SMARCA4: variants seen among roughly 807,000 people sequenced by gnomAD.
SMARCA4 encodes SWI/SNF-related matrix-associated actin-dependent regulator of chromatin subfamily A member 4.
Under a neutral mutation model 193.9 loss-of-function variants are expected in SMARCA4, and 31 were observed. That is an observed-to-expected ratio of 0.16 (90% CI 0.12 to 0.22). The LOEUF is 0.22. Ranked by LOEUF, SMARCA4 falls within the 10% of genes least tolerant of loss-of-function variation. SMARCA4 has a pLI of 1.00. For missense variants in SMARCA4, 1,148 were observed against 2,296.0 expected (o/e 0.50, Z 10.22); for synonymous variants, 942 against 933.1 (o/e 1.01, Z -0.17).
At chr19:11,053,660 A>C (rs1173039011) in intron 30 of SMARCA4, among the ~76,000 whole-genome samples, 2 of 152,112 alleles carry the variant, frequency 1.3e-5, no homozygotes, top group Non-Finnish European at 2.9e-5. Flanking sequence ...CTGTAATTCC[A>C]GTGCTTTGGG....
chr19:11,037,335 C>T (rs890181849), intron 29 of SMARCA4, among the ~76,000 whole-genome samples: 7 of 152,166 alleles, frequency 4.6e-5, no homozygotes, highest in East Asian at 1.9e-4. Flanking sequence ...TTCCCTCGCC[C>T]GCTGATTCTA....
chr19:11,001,172 C>A (rs927911966), intron 11 of SMARCA4, among the ~76,000 whole-genome samples: 7 of 152,054 alleles, frequency 4.6e-5, no homozygotes, highest in African/African-American at 1.4e-4. Flanking sequence ...CTCCGAGGAC[C>A]TTTTTCTAAG....
intron 30 of SMARCA4, among the ~76,000 whole-genome samples, chr19:11,044,061 T>C (rs2075766570): frequency 6.6e-6 from 1 of 152,170 alleles, no homozygotes. Context: ...TTTCTAATGA[T>C]AATCTTGTGA....
At chr19:10,967,203 C>G (rs2084288775) in intron 1 of SMARCA4, among the ~76,000 whole-genome samples, 1 of 152,152 alleles carries the variant, frequency 6.6e-6, no homozygotes, top group Non-Finnish European at 1.5e-5. Context: ...GATGGAAGTG[C>G]CAGGTGTAGC....
intron 1 of SMARCA4, among the ~76,000 whole-genome samples, chr19:10,981,821 C>CA (rs892159737): frequency 5.0e-4 from 75 of 151,364 alleles, no homozygotes; most frequent in African/African-American, 1.8e-3. Flanking sequence ...CCTGTCTCTA[C>CA]AAAAAAATTA....
At chr19:10,999,461 A>C (rs564469629) in intron 11 of SMARCA4, among the ~76,000 whole-genome samples, 6 of 152,102 alleles carry the variant, frequency 3.9e-5, no homozygotes, top group Non-Finnish European at 5.9e-5. Flanking sequence ...GTTCGAGACC[A>C]GTGTGGGCAA....
At chr19:10,973,198 G>A (rs896017416) in intron 1 of SMARCA4, among the ~76,000 whole-genome samples, 5 of 152,194 alleles carry the variant, frequency 3.3e-5, no homozygotes, top group African/African-American at 9.6e-5. Flanking sequence ...GTTACTCTGC[G>A]TGTTATGTTT....
At chr19:10,995,497 G>A (rs1050333789) in intron 9 of SMARCA4, 13 of 456,696 alleles carry the variant, frequency 2.8e-5, no homozygotes, top group East Asian at 6.9e-5. Context: ...GATGGTGACC[G>A]CTACAGTGAG....
Position 11,019,381 on chromosome 19 carries a change from G to A in SMARCA4, c.2506-210G>A. The A allele has an allele frequency of 4.9e-6, 3 of 617,852 alleles. No individual in the cohort carries two copies. The highest frequency in any genetic ancestry group is 5.1e-5 in the Admixed American group (2 of 39,026). 38.3% of individuals were successfully genotyped at this position (617,852 alleles called of 1,614,324 possible). ...CTCAGGCCCCGGCCGCCGCTGGCCT[G>A]CACTGCTTCCTCTTCCCCCTGCAGC... On this transcript the variant is annotated intron_variant, in intron 17 of 34. Transcript: ENST00000344626. This position sits in a 1 kb window ranked among gnomAD's most constrained non-coding sequence, Gnocchi z 6.1.
intron 1 of SMARCA4, among the ~76,000 whole-genome samples, chr19:10,974,743 A>G (rs1329315323): frequency 6.1e-5 from 5 of 81,512 alleles, no homozygotes; most frequent in Admixed American, 2.1e-4. Flanking sequence ...GTCTTGCTCT[A>G]TTGCCTGGGC....
chr19:11,002,077 A>G (rs1172735812), intron 11 of SMARCA4, among the ~76,000 whole-genome samples: 1 of 152,218 alleles, frequency 6.6e-6, no homozygotes, highest in Non-Finnish European at 1.5e-5. Context: ...GGAAACGTCT[A>G]AGTCCTTGTT....
chr19:10,962,971 T>G (rs1040508090), intron 1 of SMARCA4, among the ~76,000 whole-genome samples: 2 of 152,300 alleles, frequency 1.3e-5, no homozygotes, highest in African/African-American at 4.8e-5. Context: ...TGTGTCTGCC[T>G]GGCTGGCCCC....
intron 16 of SMARCA4, among the ~76,000 whole-genome samples, chr19:11,015,142 A>G (rs552557240): frequency 3.9e-5 from 6 of 152,180 alleles, no homozygotes; most frequent in Non-Finnish European, 8.8e-5. Flanking sequence ...TTGTAGAGTT[A>G]GTGTAAAGAA....
In SMARCA4 at chr19:10,996,384, T is replaced by A. The variant is rs2145974729; in HGVS notation, c.1761+4T>A. The A allele has an allele frequency of 6.2e-7, 1 of 1,614,162 alleles. No homozygotes were observed. Among genetic ancestry groups the A allele is most frequent in the Non-Finnish European group, 8.5e-7 (1 of 1,180,014 alleles). On this transcript the variant is annotated splice_donor_region_variant and intron_variant, in intron 10 of 34. Coordinates refer to ENST00000344626, the MANE Select transcript of SMARCA4 (RefSeq NM_003072.5). Reference sequence around the variant, plus strand: ...AAAGAAGAAAAAGAAAAAGAAGGTGTGCTGGGCCTGGCATGGTGCCCGCCG... The same window carrying A: ...AAAGAAGAAAAAGAAAAAGAAGGTGAGCTGGGCCTGGCATGGTGCCCGCCG...
At chr19:10,983,109 T>G (rs907907594) in intron 1 of SMARCA4, among the ~76,000 whole-genome samples, 3 of 151,854 alleles carry the variant, frequency 2.0e-5, no homozygotes, top group Non-Finnish European at 4.4e-5. Context: ...TTTCACTGAG[T>G]GTGGGTGCGT....
intron 16 of SMARCA4, chr19:11,018,293 C>T (rs78512402): frequency 0.018 from 3,113 of 175,882 alleles, 99 homozygotes; most frequent in South Asian, 0.057. Context: ...TTTATTACCG[C>T]CTCCACCCTC....
intron 13 of SMARCA4, among the ~76,000 whole-genome samples, chr19:11,004,142 T>C (rs560697677): frequency 8.6e-5 from 13 of 150,922 alleles, no homozygotes; most frequent in African/African-American, 3.2e-4. Context: ...TCAGCCTCCC[T>C]AGTAGCTGGG....
intron 1 of SMARCA4, among the ~76,000 whole-genome samples, chr19:10,978,780 A>ATATATATAT (rs1555746925): frequency 2.5e-4 from 37 of 148,230 alleles, no homozygotes; most frequent in African/African-American, 8.8e-4. Context: ...AAATACAAAA[A>ATATATATAT]ATATATATAT....
At position 10,987,461 on chromosome 19, in the gene SMARCA4, G is replaced by T. The variant is rs2086156342; in HGVS notation, c.860-205G>T. Among the ~76,000 whole-genome samples the T allele has an allele frequency of 6.6e-6, 1 of 152,186 alleles. No individual in the cohort carries two copies. Among genetic ancestry groups the T allele is most frequent in the Non-Finnish European group, 1.5e-5 (1 of 68,024 alleles). Reference sequence around the variant, plus strand: ...TGGGAGCCTGGGGCTGGCCCCAGTGGAGGGTGTGAAGGACGAGGGTGAGGC... The same window carrying T: ...TGGGAGCCTGGGGCTGGCCCCAGTGTAGGGTGTGAAGGACGAGGGTGAGGC... On this transcript the variant is annotated intron_variant, in intron 5 of 34. Transcript: ENST00000344626. The surrounding 1 kb of genome is among the most constrained non-coding windows in gnomAD (Gnocchi z 5.3).
Sources: gnomAD v4.1 joint callset for allele counts (sites outside exome capture counted in the v4.1 genomes callset) on GRCh38, gnomAD v4.1.1 for gene constraint, Gnocchi (gnomAD v3.1) non-coding constraint, MANE v1.5 for transcripts, NCBI Gene and HGNC (gene_info 2026-07-23, HGNC 2026-07-21) for gene names.